VIT: variants seen among roughly 807,000 people sequenced by gnomAD.
VIT encodes the protein vitrin.
In VIT, 99 loss-of-function variants were observed where a neutral mutation model predicts 78.0. That is an observed-to-expected ratio of 1.27 (90% CI 1.08 to 1.50). The LOEUF (loss-of-function observed/expected upper bound fraction) is 1.50, where lower values mean the gene tolerates loss of function less well. VIT is among the 40% of genes most tolerant of loss of function. The probability of loss-of-function intolerance (pLI) is 0.00; values close to 1 mark genes in which losing one functional copy is unlikely to be tolerated. For synonymous variants in VIT, 374 were observed against 334.3 expected (o/e 1.12, Z -1.29); for missense variants, 1,126 against 875.3 (o/e 1.29, Z -3.61).
intron 1 of VIT, among the ~76,000 whole-genome samples, chr2:36,708,110 T>TTC (rs1665552765): frequency 7.3e-6 from 1 of 137,788 alleles, no homozygotes; most frequent in Non-Finnish European, 1.6e-5. Flanking sequence ...GTAAAGGACC[T>TTC]CCCCCCCCCG....
chr2:36,801,728 A>G (rs886441022), intron 13 of VIT, among the ~76,000 whole-genome samples: 1 of 150,720 alleles, frequency 6.6e-6, no homozygotes, highest in African/African-American at 2.4e-5. Flanking sequence ...GTGAGCCAAG[A>G]TGGCGCCACT....
At chr2:36,704,606 G>A (rs746540387) in intron 1 of VIT, among the ~76,000 whole-genome samples, 1 of 152,144 alleles carries the variant, frequency 6.6e-6, no homozygotes, top group Non-Finnish European at 1.5e-5. Context: ...GCTTCTAAAT[G>A]ACTCTGTTTC....
chr2:36,776,479 A>G (rs1266583400), intron 9 of VIT, among the ~76,000 whole-genome samples: 44 of 152,326 alleles, frequency 2.9e-4, no homozygotes. Context: ...ACATTAAAAT[A>G]TAATAATTCT....
In VIT at chr2:36,805,594, T is replaced by G; in HGVS notation, c.1319T>G (p.Phe440Cys). 6.2e-7 allele frequency: 1 copy of G among 1,614,160 alleles called. No individual in the cohort carries two copies. Residue 440 changes from phenylalanine to cysteine, a missense_variant, in exon 14 of 16, where the codon TTC becomes TGC. Transcript: ENST00000379242. Reference protein sequence around the residue: ...RLARESGINIFFITIEGAAEN... With the variant: ...RLARESGINICFITIEGAAEN... ...GCGAGAGAGTCAGGAATCAACATTTTCTTCATCACCATTGAAGGTGCTGCT... is the reference window on the plus strand; with the variant it reads ...GCGAGAGAGTCAGGAATCAACATTTGCTTCATCACCATTGAAGGTGCTGCT...
chr2:36,724,140 T>G (rs941757066), intron 2 of VIT, among the ~76,000 whole-genome samples: 1 of 151,884 alleles, frequency 6.6e-6, no homozygotes, highest in East Asian at 1.9e-4. Context: ...TACCTCAGCC[T>G]CCCGAGTAGC....
intron 5 of VIT, among the ~76,000 whole-genome samples, chr2:36,758,704 G>A (rs1218781003): frequency 6.6e-6 from 1 of 152,182 alleles, no homozygotes; most frequent in Non-Finnish European, 1.5e-5. Context: ...CATCTTCACG[G>A]GTGAAAGAAG....
At chr2:36,800,634 C>T (rs1313239850) in intron 12 of VIT, among the ~76,000 whole-genome samples, 1 of 152,286 alleles carries the variant, frequency 6.6e-6, no homozygotes, top group East Asian at 1.9e-4. Context: ...CGCCCTCCTG[C>T]ACGCCTCCAC....
chr2:36,808,499 T>C lies in VIT; in HGVS notation c.1417T>C (p.Ser473Pro), dbSNP rs1180685261. 2 of 1,611,200 alleles carry C rather than the reference T, an allele frequency of 1.2e-6. No individual in the cohort carries two copies. The highest frequency in any genetic ancestry group is 2.7e-5 in the African/African-American group (2 of 74,870). ...CGTGTGCAGAACAAACGGCTTCTACTCGCTCCACGTGCAGAGCTGGTTTGG... is the reference window on the plus strand; with the variant it reads ...CGTGTGCAGAACAAACGGCTTCTACCCGCTCCACGTGCAGAGCTGGTTTGG... ...KAVCRTNGFYSLHVQSWFGLH... is the reference protein window; with the variant it reads ...KAVCRTNGFYPLHVQSWFGLH... The change falls in exon 15 of 16, where the codon TCG becomes CCG. Residue 473 changes from serine to proline, a missense_variant. Coordinates refer to ENST00000379242, the MANE Select transcript of VIT (RefSeq NM_053276.4).
intron 6 of VIT, among the ~76,000 whole-genome samples, chr2:36,762,311 G>T (rs1358796419): frequency 6.6e-6 from 1 of 152,078 alleles, no homozygotes; most frequent in Non-Finnish European, 1.5e-5. Context: ...TTAAACTTTT[G>T]ATGACAGTAT....
intron 15 of VIT, among the ~76,000 whole-genome samples, chr2:36,811,432 G>T (rs949025514): frequency 1.3e-5 from 2 of 152,324 alleles, no homozygotes; most frequent in African/African-American, 4.8e-5. Context: ...AAATGGCTGA[G>T]GTGCTGTCAG....
intron 5 of VIT, among the ~76,000 whole-genome samples, chr2:36,757,495 G>C (rs1255512155): frequency 6.6e-6 from 1 of 152,108 alleles, no homozygotes; most frequent in East Asian, 1.9e-4. Context: ...TCAATAAATA[G>C]AGAAGATGTC....
At chr2:36,749,858 T>C (rs1363873104) in intron 4 of VIT, among the ~76,000 whole-genome samples, 1 of 152,192 alleles carries the variant, frequency 6.6e-6, no homozygotes, top group Non-Finnish European at 1.5e-5. Flanking sequence ...GGAGAGAAAA[T>C]ATATAAAATT....
chr2:36,809,065 G>C, intron 15 of VIT, 80 bp downstream of exon 15: 1 of 1,495,226 alleles, frequency 6.7e-7, no homozygotes, highest in Middle Eastern at 1.8e-4. Flanking sequence ...GGAAGGTATT[G>C]TCTTTTTATG....
chr2:36,810,451 C>T (rs962474479), intron 15 of VIT, among the ~76,000 whole-genome samples: 5 of 152,084 alleles, frequency 3.3e-5, no homozygotes, highest in African/African-American at 9.7e-5. Context: ...ATCACTGATC[C>T]AAAAAGTGTC....
chr2:36,792,130 G>A (rs546214384), intron 12 of VIT, among the ~76,000 whole-genome samples: 2 of 152,246 alleles, frequency 1.3e-5, no homozygotes, highest in South Asian at 2.1e-4. Context: ...TATTAAACCA[G>A]AATCTGGCAA....
intron 9 of VIT, 89 bp from the exon 10 acceptor site, chr2:36,781,638 G>A (rs1664759167): frequency 6.8e-7 from 1 of 1,473,708 alleles, no homozygotes; most frequent in Non-Finnish European, 9.4e-7. Flanking sequence ...ACACAATTGG[G>A]AAACCTTATC....
At chr2:36,739,833 C>T (rs192415444) in intron 3 of VIT, among the ~76,000 whole-genome samples, 94 of 152,300 alleles carry the variant, frequency 6.2e-4, no homozygotes, top group African/African-American at 2.2e-3. Flanking sequence ...TCTGGGCTCC[C>T]CACGGCTCTC....
At chr2:36,766,050 T>C (rs1669409157) in intron 6 of VIT, among the ~76,000 whole-genome samples, 1 of 152,220 alleles carries the variant, frequency 6.6e-6, no homozygotes, top group African/African-American at 2.4e-5. Context: ...CCCTGAGAAC[T>C]CACAGTTCTC....
intron 7 of VIT, among the ~76,000 whole-genome samples, chr2:36,773,511 C>T (rs1409829590): frequency 1.3e-5 from 2 of 152,074 alleles, no homozygotes; most frequent in African/African-American, 4.8e-5. Context: ...AGGCAGATCA[C>T]TTGAGGTCAG....
Sources: allele counts gnomAD v4.1 joint callset (sites outside exome capture counted in the v4.1 genomes callset), GRCh38; gene constraint gnomAD v4.1.1; transcripts MANE v1.5; gene names NCBI Gene and HGNC (gene_info 2026-07-23, HGNC 2026-07-21).